The following TRAPPC8 variants were observed in gnomAD, a reference collection of about 807,000 sequenced individuals.
TRAPPC8 encodes general sporulation gene 1 homolog.
Under a neutral mutation model 174.3 loss-of-function variants are expected in TRAPPC8, and 54 were observed. That is an observed-to-expected ratio of 0.31 (90% confidence interval 0.25 to 0.39). The LOEUF is 0.39. Among genes scored for constraint, TRAPPC8 ranks in the 10% least tolerant of loss-of-function variants. The probability of loss-of-function intolerance (pLI) is 1.00; values close to 1 mark genes in which losing one functional copy is unlikely to be tolerated. For missense variants in TRAPPC8, 1,531 were observed against 1,699.1 expected, an observed-to-expected ratio of 0.90 and a Z score of 1.74; for synonymous variants, 630 against 579.9, an observed-to-expected ratio of 1.09 and a Z score of -1.24.
chr18:31,916,498 ATT>A (rs773335463), intron 3 of TRAPPC8, 52 bp from the exon 4 acceptor site: 6 of 1,507,642 alleles, frequency 4.0e-6, no homozygotes, highest in Middle Eastern at 1.7e-4. Flanking sequence ...AATGATAAAT[ATT>A]GTCCTACTGA....
At chr18:31,867,365 A>T (rs1423428126) in intron 17 of TRAPPC8, 37 bp downstream of exon 17, 1 of 1,404,574 alleles carries the variant, frequency 7.1e-7, no homozygotes, top group Non-Finnish European at 9.9e-7. Context: ...CCTTACTTTC[A>T]GAAAGGCATA....
intron 10 of TRAPPC8, among the ~76,000 whole-genome samples, chr18:31,900,399 A>G (rs2036368434): frequency 6.6e-6 from 1 of 152,192 alleles, no homozygotes; most frequent in African/African-American, 2.4e-5. Flanking sequence ...CATCTAAAAC[A>G]TTATGCCTGC....
intron 27 of TRAPPC8, among the ~76,000 whole-genome samples, chr18:31,834,272 A>G (rs959777326): frequency 6.6e-6 from 1 of 151,684 alleles, no homozygotes; most frequent in Non-Finnish European, 1.5e-5. Flanking sequence ...ACACCCGGCT[A>G]ATTTTTTTTT....
chr18:31,832,057 A>T, intron 28 of TRAPPC8, 27 bp downstream of exon 28: 1 of 1,414,294 alleles, frequency 7.1e-7, no homozygotes, highest in South Asian at 1.3e-5. Context: ...CCCAAATCAA[A>T]TAACCTTGCA....
At position 31,830,299 on chromosome 18, in the gene TRAPPC8, G is replaced by A. The variant is rs543110653; in HGVS notation, c.*456C>T. 2 of 153,940 alleles carry A rather than the reference G, an allele frequency of 1.3e-5. No individual in the cohort carries two copies. The highest frequency in any genetic ancestry group is 4.8e-5 in the African/African-American group (2 of 41,588). The allele number at this position is 153,940 out of a possible 1,614,324, so 9.5% of individuals were successfully genotyped here. ...AGTTCAAAACTGATTTTAAGGAACT[G>A]TGTGAAGCAAGACAGGAAAATTTGT... On this transcript the variant is annotated 3_prime_UTR_variant, in exon 29 of 29. Transcript: ENST00000283351.
At chr18:31,882,028 T>C (rs2035480461) in intron 12 of TRAPPC8, among the ~76,000 whole-genome samples, 1 of 152,138 alleles carries the variant, frequency 6.6e-6, no homozygotes, top group East Asian at 1.9e-4. Flanking sequence ...GTTCAGCCAG[T>C]GTGGAAAGGA....
At chr18:31,942,529 C>CT in intron 1 of TRAPPC8, 79 bp downstream of exon 1, 1 of 1,437,494 alleles carries the variant, frequency 7.0e-7, no homozygotes, top group South Asian at 1.5e-5. Context: ...CTGCCCTTCT[C>CT]TTCCCTGCCC....
intron 10 of TRAPPC8, among the ~76,000 whole-genome samples, chr18:31,899,667 C>G (rs1023588746): frequency 6.6e-6 from 1 of 152,158 alleles, no homozygotes; most frequent in Admixed American, 6.5e-5. Context: ...AATACATGGG[C>G]CTGGCGCGGT....
At chr18:31,898,011 C>T (rs932144755) in intron 10 of TRAPPC8, 120 bp from the exon 11 acceptor site, 13 of 748,250 alleles carry the variant, frequency 1.7e-5, no homozygotes, top group Non-Finnish European at 2.4e-5. Context: ...GAGATGGTTC[C>T]AGGACCCTCC....
chr18:31,928,835 A>G (rs541126245), intron 2 of TRAPPC8, among the ~76,000 whole-genome samples: 1 of 152,336 alleles, frequency 6.6e-6, no homozygotes, highest in East Asian at 1.9e-4. Flanking sequence ...CAAACTTGTT[A>G]AGATCCTGCA....
At chr18:31,848,718 A>C (rs1249203577) in intron 25 of TRAPPC8, among the ~76,000 whole-genome samples, 2 of 152,174 alleles carry the variant, frequency 1.3e-5, no homozygotes, top group South Asian at 2.1e-4. Flanking sequence ...GCATCAAACA[A>C]CACAAAATCA....
chr18:31,906,780 A>C (rs1178163861), intron 9 of TRAPPC8, among the ~76,000 whole-genome samples: 4 of 152,206 alleles, frequency 2.6e-5, no homozygotes, highest in South Asian at 2.1e-4. Flanking sequence ...ACAGCTTATT[A>C]TATATAAGGC....
chr18:31,867,281 T>G, intron 17 of TRAPPC8, 121 bp downstream of exon 17: 1 of 810,786 alleles, frequency 1.2e-6, no homozygotes, highest in South Asian at 1.7e-5. Context: ...TGTCCTAATC[T>G]TCCAAATTTT....
rs2036835228 is a variant in TRAPPC8, at chr18:31,909,864, CATTT to C, written c.772-108_772-105del. ...TGGTTACTCTGCTAACTGTTGGCCT[CATTT>C]ATTTGCTACAGTGAGCATTTTCTCG... On this transcript the variant is annotated intron_variant, in intron 5 of 28. Transcript: ENST00000283351. 4 of 711,748 alleles carry C rather than the reference CATTT, an allele frequency of 5.6e-6. No individual in the cohort carries two copies. In the South Asian group the frequency reaches 1.0e-4, roughly 18 times the overall value. The allele number at this position is 711,748 out of a possible 1,614,324, so 44.1% of individuals were successfully genotyped here.
chr18:31,833,264 A>C (rs1010263517), intron 27 of TRAPPC8: 3 of 152,228 alleles, frequency 2.0e-5, no homozygotes, highest in African/African-American at 7.2e-5. Context: ...TCAAATGTCA[A>C]ATTCTTTGTA....
chr18:31,907,414 T>A, intron 9 of TRAPPC8, 46 bp downstream of exon 9: 1 of 1,509,206 alleles, frequency 6.6e-7, no homozygotes. Flanking sequence ...TTCTAAATAA[T>A]TTATGGTAGC....
At chr18:31,924,010 G>T (rs1327139824) in intron 2 of TRAPPC8, among the ~76,000 whole-genome samples, 1 of 152,164 alleles carries the variant, frequency 6.6e-6, no homozygotes, top group African/African-American at 2.4e-5. Flanking sequence ...TTAGCCAGGC[G>T]TGGTGGCTCA....
intron 1 of TRAPPC8, among the ~76,000 whole-genome samples, chr18:31,937,333 C>A (rs564262576): frequency 3.2e-4 from 48 of 152,272 alleles, no homozygotes; most frequent in African/African-American, 1.1e-3. Flanking sequence ...GAGTTTGAGA[C>A]CGGCTGGGCA....
Position 31,857,636 on chromosome 18 carries a change from T to C in TRAPPC8, c.3092A>G (p.Gln1031Arg). 6.2e-7 allele frequency: 1 copy of C among 1,614,166 alleles called. No individual in the cohort carries two copies. The highest frequency in any genetic ancestry group is 8.5e-7 in the Non-Finnish European group (1 of 1,180,020). The part of the protein sequence containing the change: ...DTVLLPGASV[Q>R]LPMWLRGPDE... ...AGGCCCACGTAACCACATTGGCAGC[T>C]GCACTGAGGCTCCGGGTAGAAGAAC... Residue 1031 changes from glutamine to arginine, a missense_variant, in exon 20 of 29, where the codon CAG becomes CGG. By Grantham distance (43) the Gln-to-Arg change is conservative. Transcript: ENST00000283351.
Sources: allele counts gnomAD v4.1 joint callset (sites outside exome capture counted in the v4.1 genomes callset), GRCh38; gene constraint gnomAD v4.1.1; transcripts MANE v1.5; gene names NCBI Gene and HGNC (gene_info 2026-07-23, HGNC 2026-07-21).